The following PLXDC2 variants were observed in gnomAD, a reference collection of about 807,000 sequenced individuals.
The protein encoded by PLXDC2 is plexin domain containing 2, also known as plexin domain-containing protein 2.
A neutral mutation model predicts 68.9 loss-of-function variants in PLXDC2; 40 were observed. The observed-to-expected ratio is 0.58, with a 90% confidence interval of 0.45 to 0.76. The LOEUF is 0.76. Among genes scored for constraint, PLXDC2 ranks in the 30% least tolerant of loss-of-function variants. PLXDC2 has a pLI of 0.00. For synonymous variants in PLXDC2, 243 were observed against 234.2 expected, an observed-to-expected ratio of 1.04 and a Z score of -0.34; for missense variants, 644 against 661.9, an observed-to-expected ratio of 0.97 and a Z score of 0.30.
chr10:19,889,480 C>G (rs1837910278), intron 1 of PLXDC2, among the ~76,000 whole-genome samples: 1 of 152,078 alleles, frequency 6.6e-6, no homozygotes, highest in Non-Finnish European at 1.5e-5. Flanking sequence ...TCCTAGTGCC[C>G]TCAAAATGTA....
At chr10:20,206,849 AACAC>A (rs375925753) in intron 9 of PLXDC2, among the ~76,000 whole-genome samples, 59 of 149,642 alleles carry the variant, frequency 3.9e-4, no homozygotes, top group African/African-American at 7.7e-4. Flanking sequence ...TGTGCTTTGA[AACAC>A]ACACACACAC....
At chr10:20,070,951 T>G (rs1233752284) in intron 4 of PLXDC2, 1 of 151,004 alleles carries the variant, frequency 6.6e-6, no homozygotes, top group Non-Finnish European at 1.5e-5. Flanking sequence ...CCATTTTCCT[T>G]TGTAAAGATC....
chr10:20,168,330 C>T (rs2131818512), intron 7 of PLXDC2, among the ~76,000 whole-genome samples: 1 of 152,252 alleles, frequency 6.6e-6, no homozygotes, highest in East Asian at 1.9e-4. Context: ...GCATGCATTA[C>T]CTAGCAGAGA....
chr10:19,818,244 G>C (rs1836394471), intron 1 of PLXDC2, among the ~76,000 whole-genome samples: 1 of 149,266 alleles, frequency 6.7e-6, no homozygotes, highest in Admixed American at 7.0e-5. Context: ...GTGTGTGTGT[G>C]TGTGTGTGTG....
At chr10:20,206,852 A>G (rs1357616926) in intron 9 of PLXDC2, among the ~76,000 whole-genome samples, 1 of 149,808 alleles carries the variant, frequency 6.7e-6, no homozygotes, top group East Asian at 2.0e-4. Context: ...GCTTTGAAAC[A>G]CACACACACA....
intron 13 of PLXDC2, among the ~76,000 whole-genome samples, chr10:20,258,782 C>T (rs939212955): frequency 5.9e-5 from 9 of 151,846 alleles, no homozygotes; most frequent in East Asian, 3.9e-4. Flanking sequence ...CCGAGGAGTG[C>T]GAATCACGAG....
intron 1 of PLXDC2, among the ~76,000 whole-genome samples, chr10:19,906,732 T>A (rs1833168183): frequency 6.6e-6 from 1 of 152,128 alleles, no homozygotes; most frequent in Admixed American, 6.6e-5. Flanking sequence ...ATACAGATAA[T>A]AAAGACATAC....
chr10:20,120,915 A>G (rs1469875670), intron 4 of PLXDC2, among the ~76,000 whole-genome samples: 2 of 152,194 alleles, frequency 1.3e-5, no homozygotes, highest in African/African-American at 4.8e-5. Context: ...TGGAACCGCC[A>G]TCAATAAATC....
At chr10:20,257,593 G>C (rs1358987778) in intron 13 of PLXDC2, among the ~76,000 whole-genome samples, 1 of 152,154 alleles carries the variant, frequency 6.6e-6, no homozygotes, top group Non-Finnish European at 1.5e-5. Flanking sequence ...TCATGCTCAG[G>C]TTACTGCAGA....
At chr10:20,198,822 G>C (rs1176741960) in intron 9 of PLXDC2, among the ~76,000 whole-genome samples, 2 of 152,094 alleles carry the variant, frequency 1.3e-5, no homozygotes, top group African/African-American at 4.8e-5. Flanking sequence ...ACACAAGGCA[G>C]AAAGCGATTA....
rs529916614 is a variant in PLXDC2 at position 20,051,772 on chromosome 10, C to T, written c.471+4757C>T. On this transcript the variant is annotated intron_variant, in intron 3 of 13. Transcript: ENST00000377252. ...GTTTCTGACAAATTCCAAGGTGATGCTCATGCCACTAATCCAGGGACCATG... is the reference window on the plus strand; with the variant it reads ...GTTTCTGACAAATTCCAAGGTGATGTTCATGCCACTAATCCAGGGACCATG... 7.2e-5 allele frequency among the ~76,000 whole-genome samples: 11 copies of T among 151,968 alleles called. No homozygotes were observed. In the East Asian group the frequency reaches 1.4e-3, roughly 19 times the overall value.
chr10:19,957,932 A>G (rs1834097468), intron 1 of PLXDC2, among the ~76,000 whole-genome samples: 2 of 152,258 alleles, frequency 1.3e-5, no homozygotes, highest in South Asian at 2.1e-4. Flanking sequence ...AGGTGCTACC[A>G]GAAAGATTAA....
chr10:20,019,060 C>T lies in PLXDC2; in HGVS notation c.324+17074C>T, dbSNP rs767646114. The stretch of plus-strand genomic sequence containing the variant: ...TTTGGGAGGCCAAGGCGAGAGGATC[C>T]CTTTAGCCCAGGAGTTCAAGACCAG... On this transcript the variant is annotated intron_variant, in intron 2 of 13. Transcript: ENST00000377252. 1.9e-4 allele frequency among the ~76,000 whole-genome samples: 29 copies of T among 152,052 alleles called. 1 individual carries two copies. Among genetic ancestry groups the T allele is most frequent in the Non-Finnish European group, 3.7e-4 (25 of 68,002 alleles).
chr10:19,936,059 T>A (rs1270384977), intron 1 of PLXDC2, among the ~76,000 whole-genome samples: 1 of 152,248 alleles, frequency 6.6e-6, no homozygotes, highest in East Asian at 1.9e-4. Flanking sequence ...ATAAATTTGC[T>A]CATGGGGTGT....
chr10:19,844,135 G>A (rs148601028), intron 1 of PLXDC2, among the ~76,000 whole-genome samples: 1 of 152,190 alleles, frequency 6.6e-6, no homozygotes, highest in Non-Finnish European at 1.5e-5. Context: ...TATCTGTAGT[G>A]AGCGGTGTTC....
At chr10:19,973,264 TCA>T (rs1331400977) in intron 1 of PLXDC2, among the ~76,000 whole-genome samples, 7 of 146,948 alleles carry the variant, frequency 4.8e-5, no homozygotes. Flanking sequence ...ATATATATAC[TCA>T]CAGATATATG....
intron 1 of PLXDC2, among the ~76,000 whole-genome samples, chr10:19,974,841 A>G (rs1182873985): frequency 1.3e-5 from 2 of 152,228 alleles, no homozygotes; most frequent in African/African-American, 2.4e-5. Context: ...ATTCCAGTTT[A>G]AATATTGAAA....
chr10:20,230,528 C>T (rs1050545881), intron 12 of PLXDC2, among the ~76,000 whole-genome samples: 7 of 150,766 alleles, frequency 4.6e-5, no homozygotes, highest in African/African-American at 9.7e-5. Flanking sequence ...AAAAATTAGC[C>T]GAGCATGGTG....
At chr10:20,148,616 T>G (rs1564333207) in intron 6 of PLXDC2, among the ~76,000 whole-genome samples, 1 of 152,186 alleles carries the variant, frequency 6.6e-6, no homozygotes, top group African/African-American at 2.4e-5. Flanking sequence ...CCTGTTGGAC[T>G]AAGAATATAA....
Sources: allele counts gnomAD v4.1 joint callset (sites outside exome capture counted in the v4.1 genomes callset), GRCh38; gene constraint gnomAD v4.1.1; transcripts MANE v1.5; gene names NCBI Gene and HGNC (gene_info 2026-07-23, HGNC 2026-07-21).